TCERG1L: variants seen among roughly 807,000 people sequenced by gnomAD.
TCERG1L encodes the protein transcription elongation regulator 1-like protein.
Under a neutral mutation model 56.3 loss-of-function variants are expected in TCERG1L, and 37 were observed. That is an observed-to-expected ratio of 0.66 (90% CI 0.51 to 0.87). The LOEUF (loss-of-function observed/expected upper bound fraction) is 0.87. TCERG1L is among the 40% of genes least tolerant of loss of function. TCERG1L has a pLI of 0.00. For synonymous variants in TCERG1L, 324 were observed against 326.3 expected (o/e 0.99, Z 0.08); for missense variants, 799 against 774.2 (o/e 1.03, Z -0.38).
chr10:131,185,092 T>A (rs7077869), intron 4 of TCERG1L, among the ~76,000 whole-genome samples: 9,382 of 152,062 alleles, frequency 0.062, 412 homozygotes, highest in African/African-American at 0.13. Context: ...CGAGACCCTA[T>A]CTCAAAACAT....
intron 3 of TCERG1L, among the ~76,000 whole-genome samples, chr10:131,286,630 T>A (rs1846546280): frequency 6.6e-6 from 1 of 152,232 alleles, no homozygotes; most frequent in Non-Finnish European, 1.5e-5. Context: ...TGTACACCAT[T>A]TAAATACCAT....
At chr10:131,124,658 G>GCTGC (rs71486830) in intron 8 of TCERG1L, among the ~76,000 whole-genome samples, 52,944 of 151,802 alleles carry the variant, frequency 0.35, 10,448 homozygotes, top group East Asian at 0.47. Context: ...GCTCATCATC[G>GCTGC]CTGCCTGTCC....
At chr10:131,280,848 C>A (rs1846444113) in intron 3 of TCERG1L, among the ~76,000 whole-genome samples, 1 of 152,144 alleles carries the variant, frequency 6.6e-6, no homozygotes, top group Non-Finnish European at 1.5e-5. Context: ...CCCACCACCC[C>A]AGGCCAGGCC....
At chr10:131,123,747 G>A (rs1398908557) in intron 8 of TCERG1L, among the ~76,000 whole-genome samples, 1 of 152,174 alleles carries the variant, frequency 6.6e-6, no homozygotes, top group African/African-American at 2.4e-5. Context: ...AACTCTGGTA[G>A]CACCCGGGGA....
At chr10:131,139,638 G>A (rs1845712509) in intron 7 of TCERG1L, among the ~76,000 whole-genome samples, 1 of 152,054 alleles carries the variant, frequency 6.6e-6, no homozygotes, top group African/African-American at 2.4e-5. Flanking sequence ...TGTTTTAAAT[G>A]TATTGTTTTT....
chr10:131,094,790 C>T (rs1845223776), intron 11 of TCERG1L, among the ~76,000 whole-genome samples: 2 of 152,204 alleles, frequency 1.3e-5, no homozygotes, highest in South Asian at 4.1e-4. Context: ...CTAAGCCACA[C>T]TCCACCCCGA....
At chr10:131,107,076 G>A (rs61862985) in intron 9 of TCERG1L, among the ~76,000 whole-genome samples, 20,244 of 141,620 alleles carry the variant, frequency 0.14, 1,675 homozygotes, top group Middle Eastern at 0.21. Flanking sequence ...GACTCAGGGC[G>A]AGGTGGCAAC....
intron 1 of TCERG1L, among the ~76,000 whole-genome samples, chr10:131,310,978 C>T (rs1054703043): frequency 2.0e-5 from 3 of 152,244 alleles, no homozygotes; most frequent in African/African-American, 7.2e-5. Flanking sequence ...ACTTCAGCAC[C>T]TCGCGATGGA....
chr10:131,230,496 C>T lies in TCERG1L; in HGVS notation c.856+29763G>A, dbSNP rs185170571. Among the ~76,000 whole-genome samples, 28 of 152,308 alleles carry T rather than the reference C, an allele frequency of 1.8e-4. No individual in the cohort carries two copies. The East Asian group carries it at 4.8e-3, about 26-fold the overall frequency. Reference sequence around the variant, plus strand: ...CAGCAAGTCCCAGCACACTGAGGGACGCTGGGGAAAAGAACCATTGTGCCA... The same window carrying T: ...CAGCAAGTCCCAGCACACTGAGGGATGCTGGGGAAAAGAACCATTGTGCCA... On this transcript the variant is annotated intron_variant, in intron 4 of 11. Coordinates refer to ENST00000368642, the MANE Select transcript of TCERG1L (RefSeq NM_174937.4).
chr10:131,226,993 T>C (rs1845796495), intron 4 of TCERG1L, among the ~76,000 whole-genome samples: 1 of 152,232 alleles, frequency 6.6e-6, no homozygotes, highest in African/African-American at 2.4e-5. Context: ...AGGTGGGCTC[T>C]GGGCAGGGAG....
intron 3 of TCERG1L, among the ~76,000 whole-genome samples, chr10:131,307,009 GAC>G (rs1450524021): frequency 6.6e-6 from 1 of 152,128 alleles, no homozygotes; most frequent in Admixed American, 6.5e-5. Context: ...TTATTTTCAT[GAC>G]AGTTATTGCC....
chr10:131,231,571 C>T (rs555709884), intron 4 of TCERG1L, among the ~76,000 whole-genome samples: 25 of 152,182 alleles, frequency 1.6e-4, no homozygotes, highest in Middle Eastern at 3.4e-3. Flanking sequence ...CGAGCCCCTC[C>T]GGCATCAGAG....
chr10:131,257,149 G>T (rs1027332279), intron 4 of TCERG1L, among the ~76,000 whole-genome samples: 1 of 152,188 alleles, frequency 6.6e-6, no homozygotes, highest in African/African-American at 2.4e-5. Flanking sequence ...CGCTGTCCCT[G>T]GAGTCAGGGG....
chr10:131,277,668 G>A (rs1346535669), intron 3 of TCERG1L, among the ~76,000 whole-genome samples: 1 of 152,244 alleles, frequency 6.6e-6, no homozygotes. Context: ...TGCAAAGTCA[G>A]TGTTGGAGAG....
intron 3 of TCERG1L, among the ~76,000 whole-genome samples, chr10:131,280,589 A>C (rs962361911): frequency 3.9e-5 from 6 of 152,174 alleles, no homozygotes; most frequent in Non-Finnish European, 1.5e-5. Flanking sequence ...GTTGGCCCTA[A>C]GCAGTTCCCA....
At chr10:131,245,900 G>C (rs1408441532) in intron 4 of TCERG1L, among the ~76,000 whole-genome samples, 3 of 152,164 alleles carry the variant, frequency 2.0e-5, no homozygotes, top group Non-Finnish European at 4.4e-5. Context: ...GTGGATGGGA[G>C]TGTAGGTGGA....
chr10:131,308,611 T>C (rs1846842009), intron 2 of TCERG1L, among the ~76,000 whole-genome samples: 1 of 152,248 alleles, frequency 6.6e-6, no homozygotes, highest in Non-Finnish European at 1.5e-5. Context: ...CTTCAACTAT[T>C]GACTTGGTCA....
At chr10:131,212,842 G>A (rs887271944) in intron 4 of TCERG1L, among the ~76,000 whole-genome samples, 1 of 152,248 alleles carries the variant, frequency 6.6e-6, no homozygotes, top group Non-Finnish European at 1.5e-5. Context: ...ACAGGACTGT[G>A]GATGCAGCTG....
In TCERG1L at chr10:131,127,805, G is replaced by A. The variant is rs542370973; in HGVS notation, c.1259+6574C>T. Among the ~76,000 whole-genome samples the A allele has an allele frequency of 8.5e-5, 13 of 152,156 alleles. 1 individual carries two copies. In the South Asian group the frequency reaches 1.5e-3, roughly 17 times the overall value. On this transcript the variant is annotated intron_variant, in intron 8 of 11. Transcript: ENST00000368642. ...AGTCCCAGAGCCACAGACCTGGCAC[G>A]CTGCCCGGGGCCACTGCTCTTGTCA...
Sources: allele counts gnomAD v4.1 joint callset (sites outside exome capture counted in the v4.1 genomes callset), GRCh38; gene constraint gnomAD v4.1.1; transcripts MANE v1.5; gene names NCBI Gene and HGNC (gene_info 2026-07-23, HGNC 2026-07-21).